The following TTI1 variants were observed in gnomAD, a reference collection of about 807,000 sequenced individuals.
TTI1 encodes the protein TELO2-interacting protein 1 homolog.
TTI1 carries 52 observed loss-of-function variants against 85.4 expected under a neutral mutation model. That is an observed-to-expected ratio of 0.61 (90% CI 0.49 to 0.77). The LOEUF (loss-of-function observed/expected upper bound fraction) is 0.77. Ranked by LOEUF, TTI1 falls within the 30% of genes least tolerant of loss-of-function variation. TTI1 has a pLI of 0.00. For synonymous variants in TTI1, 512 were observed against 503.9 expected, an observed-to-expected ratio of 1.02 and a Z score of -0.22; for missense variants, 1,173 against 1,296.0, an observed-to-expected ratio of 0.91 and a Z score of 1.46.
chr20:37,997,648 A>C (rs1377984169), intron 5 of TTI1, among the ~76,000 whole-genome samples: 1 of 152,218 alleles, frequency 6.6e-6, no homozygotes, highest in Non-Finnish European at 1.5e-5. Flanking sequence ...TTTCTTTAAA[A>C]ATTGGTAAGC....
chr20:38,003,073 A>G (rs781022209), intron 3 of TTI1, among the ~76,000 whole-genome samples: 4 of 151,978 alleles, frequency 2.6e-5, no homozygotes, highest in Admixed American at 6.5e-5. Flanking sequence ...TGATCTTCCC[A>G]CCTCAGCCTC....
At chr20:37,986,033 C>CAAGGGAAATTATGAAA (rs2122472664) in intron 7 of TTI1, among the ~76,000 whole-genome samples, 1 of 152,178 alleles carries the variant, frequency 6.6e-6, no homozygotes, top group South Asian at 2.1e-4. Flanking sequence ...ATTAGAGTGG[C>CAAGGGAAATTATGAAA]AAGGGAAATT....
chr20:37,987,375 A>G, intron 7 of TTI1: 1 of 456,642 alleles, frequency 2.2e-6, no homozygotes, highest in Non-Finnish European at 4.4e-6. Flanking sequence ...TTCCCAATAC[A>G]TTTTGCGATG....
intron 5 of TTI1, among the ~76,000 whole-genome samples, chr20:37,998,383 G>A (rs566504799): frequency 3.3e-5 from 5 of 152,028 alleles, no homozygotes; most frequent in Admixed American, 6.5e-5. Flanking sequence ...TTTGGCCAAC[G>A]GTATCTGGTG....
At chr20:37,993,362 C>T (rs902596787) in intron 7 of TTI1, among the ~76,000 whole-genome samples, 9 of 152,260 alleles carry the variant, frequency 5.9e-5, no homozygotes, top group East Asian at 1.9e-4. Context: ...CTAGAGTTTA[C>T]TGCCTGGATG....
chr20:37,998,734 C>G (rs1278981598), intron 5 of TTI1, among the ~76,000 whole-genome samples: 1 of 152,206 alleles, frequency 6.6e-6, no homozygotes, highest in Non-Finnish European at 1.5e-5. Flanking sequence ...GTCAGCATCA[C>G]TCAGCTGGGC....
chr20:38,012,058 T>C lies in TTI1; in HGVS notation c.1759A>G (p.Met587Val). ...ETEEMGEELM[M>V]EHPGLQAITS... ...ATGGCTTGGAGGCCTGGGTGCTCCATCATCAGCTCCTCTCCCATTTCCTCA... is the reference window on the plus strand; with the variant it reads ...ATGGCTTGGAGGCCTGGGTGCTCCACCATCAGCTCCTCTCCCATTTCCTCA... The change falls in exon 2 of 8, where the codon ATG becomes GTG. Residue 587 changes from methionine to valine, a missense_variant. Transcript: ENST00000373447. The C allele has an allele frequency of 1.2e-6, 2 of 1,614,236 alleles. No individual in the cohort carries two copies. The highest frequency in any genetic ancestry group is 3.3e-5 in the Admixed American group (2 of 60,028).
intron 7 of TTI1, among the ~76,000 whole-genome samples, chr20:37,991,257 G>T (rs987871824): frequency 2.0e-5 from 3 of 152,216 alleles, no homozygotes; most frequent in African/African-American, 7.2e-5. Context: ...CAATCCAAGG[G>T]GGAACAGCTT....
intron 1 of TTI1, chr20:38,019,124 T>A (rs1213798309): frequency 6.7e-6 from 1 of 149,868 alleles, no homozygotes; most frequent in Non-Finnish European, 1.5e-5. Context: ...TACTCTAGCC[T>A]CGGTGACAGA....
chr20:38,016,507 A>T (rs1306538370), intron 1 of TTI1, among the ~76,000 whole-genome samples: 1 of 152,216 alleles, frequency 6.6e-6, no homozygotes, highest in Non-Finnish European at 1.5e-5. Context: ...ATGAAATGGG[A>T]ATACACAGTA....
intron 7 of TTI1, among the ~76,000 whole-genome samples, chr20:37,996,092 C>T (rs2073334048): frequency 6.6e-6 from 1 of 152,232 alleles, no homozygotes; most frequent in Admixed American, 6.5e-5. Context: ...GAAGCAGATT[C>T]CCCTCCAACC....
intron 1 of TTI1, among the ~76,000 whole-genome samples, chr20:38,020,350 A>ATATATATATATATATG (rs1487473454): frequency 1.0e-4 from 13 of 125,820 alleles, no homozygotes; most frequent in East Asian, 6.5e-4. Flanking sequence ...ATATATATAT[A>ATATATATATATATATG]TATGTATGTA....
intron 5 of TTI1, among the ~76,000 whole-genome samples, chr20:37,998,036 TC>T (rs1317175737): frequency 2.0e-5 from 3 of 152,142 alleles, no homozygotes; most frequent in Admixed American, 6.5e-5. Context: ...TTCAAGCAAT[TC>T]TCCTGCCTCA....
At chr20:37,991,774 T>A (rs1437943244) in intron 7 of TTI1, among the ~76,000 whole-genome samples, 2 of 152,198 alleles carry the variant, frequency 1.3e-5, no homozygotes, top group Admixed American at 1.3e-4. Context: ...CAGATGTAAA[T>A]ATACCTTCAG....
intron 1 of TTI1, among the ~76,000 whole-genome samples, chr20:38,029,555 G>T (rs900828923): frequency 6.8e-6 from 1 of 148,016 alleles, no homozygotes; most frequent in African/African-American, 2.6e-5. Flanking sequence ...GATTGACAAG[G>T]GAGTGAGTGA....
At chr20:37,987,211 G>T in intron 7 of TTI1, 1 of 456,712 alleles carries the variant, frequency 2.2e-6, no homozygotes, top group Non-Finnish European at 4.4e-6. Context: ...GTGTCACTTT[G>T]TCCTGGGGCC....
chr20:38,012,484 T>C lies in TTI1; in HGVS notation c.1333A>G (p.Ile445Val), dbSNP rs1289833996. Residue 445 changes from isoleucine to valine, a missense_variant, in exon 2 of 8, where the codon ATT becomes GTT. By Grantham distance (29) the Ile-to-Val change is conservative (BLOSUM62 3). Transcript: ENST00000373447. The part of the protein sequence containing the change: ...VLELDVADIK[I>V]VEERRWNSDD... Reference sequence around the variant, plus strand: ...GAGTTCCAACGCCGTTCCTCAACAATCTTGATGTCAGCCACGTCTAGCTCT... The same window carrying C: ...GAGTTCCAACGCCGTTCCTCAACAACCTTGATGTCAGCCACGTCTAGCTCT... 6.2e-7 allele frequency: 1 copy of C among 1,614,132 alleles called. No homozygotes were observed. The highest frequency in any genetic ancestry group is 1.1e-5 in the South Asian group (1 of 91,074).
At position 38,013,474 on chromosome 20, in the gene TTI1, C is replaced by T. The variant is rs145876714; in HGVS notation, c.343G>A (p.Val115Met). ...ACAGCCAATTTCAACTCCTCGGACACAGCCGCAGGTTTTTGGGAGCTGGGT... is the reference window on the plus strand; with the variant it reads ...ACAGCCAATTTCAACTCCTCGGACATAGCCGCAGGTTTTTGGGAGCTGGGT... ...YSPSSQKPAAVSEELKLAVIQ... is the reference protein window; with the variant it reads ...YSPSSQKPAAMSEELKLAVIQ... Residue 115 changes from valine (V) to methionine (M), a missense_variant, in exon 2 of 8, where the codon GTG (valine) becomes ATG (methionine). Transcript: ENST00000373447. The T allele has an allele frequency of 9.3e-6, 15 of 1,613,934 alleles. No individual in the cohort carries two copies. In the African/African-American group the frequency reaches 1.5e-4, roughly 16 times the overall value.
intron 5 of TTI1, among the ~76,000 whole-genome samples, chr20:37,997,209 T>C (rs1377125142): frequency 6.6e-6 from 1 of 150,908 alleles, no homozygotes; most frequent in African/African-American, 2.4e-5. Flanking sequence ...TTGGGTTGGA[T>C]GAATAATATG....
Sources: gnomAD v4.1 joint callset for allele counts (sites outside exome capture counted in the v4.1 genomes callset) on GRCh38, gnomAD v4.1.1 for gene constraint, MANE v1.5 for transcripts, NCBI Gene and HGNC (gene_info 2026-07-23, HGNC 2026-07-21) for gene names.